Variants in CLASP1 observed in about 807,000 individuals in gnomAD.
CLASP1 encodes cytoplasmic linker associated protein 1.
Under a neutral mutation model 192.3 loss-of-function variants are expected in CLASP1, and 38 were observed. The ratio of observed to expected loss-of-function variants is 0.20; its 90% confidence interval spans 0.15 to 0.26. CLASP1 has a LOEUF of 0.26. Among genes scored for constraint, CLASP1 ranks in the 10% least tolerant of loss-of-function variants. The pLI, the probability that CLASP1 is intolerant of heterozygous loss-of-function variation, is 1.00. For missense variants in CLASP1, 1,433 were observed against 1,932.5 expected (o/e 0.74, Z 4.85); for synonymous variants, 691 against 712.8 (o/e 0.97, Z 0.49).
At chr2:121,373,350 A>G (rs2149299891) in intron 34 of CLASP1, among the ~76,000 whole-genome samples, 1 of 152,342 alleles carries the variant, frequency 6.6e-6, no homozygotes, top group South Asian at 2.1e-4. Context: ...CTGTGAGTCA[A>G]TTAAACCTCT....
intron 37 of CLASP1, among the ~76,000 whole-genome samples, chr2:121,357,856 T>C (rs933864879): frequency 6.6e-6 from 1 of 152,226 alleles, no homozygotes. Context: ...GCCCCCTCCC[T>C]TGGCCACATG....
intron 1 of CLASP1, among the ~76,000 whole-genome samples, chr2:121,629,220 C>T (rs2068988641): frequency 6.6e-6 from 1 of 151,528 alleles, no homozygotes; most frequent in Non-Finnish European, 1.5e-5. Context: ...GAAACCCCGT[C>T]TCTACTAAAA....
chr2:121,576,820 T>A (rs1165495317), intron 2 of CLASP1, among the ~76,000 whole-genome samples: 1 of 152,150 alleles, frequency 6.6e-6, no homozygotes, highest in Non-Finnish European at 1.5e-5. Context: ...CATTTCAGAA[T>A]AATCAACTAG....
intron 2 of CLASP1, among the ~76,000 whole-genome samples, chr2:121,586,050 A>G (rs1383720648): frequency 2.0e-5 from 3 of 152,224 alleles, no homozygotes; most frequent in East Asian, 3.8e-4. Context: ...TAAAGATAAC[A>G]GACATGGGCA....
At chr2:121,592,889 G>A (rs148187537) in intron 2 of CLASP1, among the ~76,000 whole-genome samples, 5,699 of 152,066 alleles carry the variant, frequency 0.037, 370 homozygotes, top group African/African-American at 0.13. Flanking sequence ...CTCGTGATCC[G>A]CCCACCTCGG....
chr2:121,430,263 G>A (rs1050305192), intron 19 of CLASP1, 86 bp from the exon 20 acceptor site: 1 of 1,015,380 alleles, frequency 9.8e-7, no homozygotes, highest in African/African-American at 1.6e-5. Context: ...CCAAAAGAGG[G>A]GCACTGACCA....
At chr2:121,448,319 C>T (rs372220696) in exon 18 of CLASP1, 30 of 1,610,860 alleles carry the variant, frequency 1.9e-5, no homozygotes, top group African/African-American at 4.0e-5. Context: ...TGGCAGACAG[C>T]GGACGACTAA....
intron 2 of CLASP1, among the ~76,000 whole-genome samples, chr2:121,592,509 C>CT (rs2062529829): frequency 6.6e-6 from 1 of 152,134 alleles, no homozygotes; most frequent in Middle Eastern, 3.2e-3. Flanking sequence ...GAACTTCATT[C>CT]TTTCTATACA....
intron 5 of CLASP1, among the ~76,000 whole-genome samples, chr2:121,526,833 T>C (rs1420036442): frequency 6.6e-6 from 1 of 152,144 alleles, no homozygotes. Context: ...AAAAAAAGGC[T>C]TGAAATTTAT....
In CLASP1 at chr2:121,545,489, C is replaced by T. The variant is rs138765330; in HGVS notation, c.196-15164G>A. Among the ~76,000 whole-genome samples, 1,521 of 152,220 alleles carry T rather than the reference C, an allele frequency of 1.0e-2. 9 individuals carry two copies. Among genetic ancestry groups the T allele is most frequent in the Non-Finnish European group, 0.015 (1,015 of 68,004 alleles). On this transcript the variant is annotated intron_variant, in intron 2 of 39. Coordinates refer to ENST00000263710, the Ensembl canonical transcript of CLASP1. ...AGGTTATTCTAAAGTCTCCCTGACT[C>T]TAAAGTGGGCCCCCTCCTACCCCAT...
At chr2:121,447,224 A>G in intron 19 of CLASP1, 113 bp downstream of exon 19, 1 of 969,356 alleles carries the variant, frequency 1.0e-6, no homozygotes, top group South Asian at 1.7e-5. Flanking sequence ...TTTAAATAGT[A>G]GCCCCACAAC....
exon 26 of CLASP1, chr2:121,404,382 G>T: frequency 6.2e-7 from 1 of 1,612,200 alleles, no homozygotes; most frequent in Non-Finnish European, 8.5e-7. Flanking sequence ...TTGCTATGAG[G>T]GTCAGCAAAC....
At chr2:121,584,364 AC>A (rs1222209440) in intron 2 of CLASP1, among the ~76,000 whole-genome samples, 1 of 152,206 alleles carries the variant, frequency 6.6e-6, no homozygotes, top group Non-Finnish European at 1.5e-5. Context: ...ATTTCTTCCA[AC>A]ACTGAAAAAC....
At chr2:121,541,342 A>G (rs1476623500) in intron 2 of CLASP1, among the ~76,000 whole-genome samples, 6 of 152,214 alleles carry the variant, frequency 3.9e-5, no homozygotes, top group African/African-American at 1.4e-4. Context: ...GGTATTTTGC[A>G]TGAATCTGAG....
intron 32 of CLASP1, among the ~76,000 whole-genome samples, chr2:121,386,248 T>C (rs2073167980): frequency 6.6e-6 from 1 of 152,204 alleles, no homozygotes; most frequent in African/African-American, 2.4e-5. Flanking sequence ...ACTTGTGGTA[T>C]TTGCATTTCA....
At chr2:121,556,002 T>C (rs1372904853) in intron 2 of CLASP1, among the ~76,000 whole-genome samples, 21 of 123,338 alleles carry the variant, frequency 1.7e-4, no homozygotes, top group Non-Finnish European at 3.2e-4. Context: ...TTTTTTTTTT[T>C]TTTTTTTTTT....
At chr2:121,394,708 C>T (rs1200373743) in intron 30 of CLASP1, among the ~76,000 whole-genome samples, 1 of 152,114 alleles carries the variant, frequency 6.6e-6, no homozygotes, top group Non-Finnish European at 1.5e-5. Flanking sequence ...GGTGAAACCC[C>T]TTCTCTACTA....
At chr2:121,350,695 T>G (rs868082447) in intron 37 of CLASP1, among the ~76,000 whole-genome samples, 1 of 152,200 alleles carries the variant, frequency 6.6e-6, no homozygotes, top group South Asian at 2.1e-4. Flanking sequence ...TGGACACGTT[T>G]GGGGCCAGCC....
intron 26 of CLASP1, among the ~76,000 whole-genome samples, chr2:121,402,303 A>C (rs140947527): frequency 1.7e-3 from 257 of 152,358 alleles, no homozygotes; most frequent in Middle Eastern, 0.01. Context: ...TAACATAATC[A>C]TCATGCTGTT....
Sources: gnomAD v4.1 joint callset for allele counts (sites outside exome capture counted in the v4.1 genomes callset) on GRCh38, gnomAD v4.1.1 for gene constraint, MANE v1.5 for transcripts, NCBI Gene and HGNC (gene_info 2026-07-23, HGNC 2026-07-21) for gene names.